Variants in PPARG observed in about 807,000 individuals in gnomAD.
PPARG encodes the protein peroxisome proliferator-activated receptor gamma.
Under a neutral mutation model 39.2 loss-of-function variants are expected in PPARG, and 17 were observed. The ratio of observed to expected loss-of-function variants is 0.43; its 90% CI spans 0.30 to 0.65. The LOEUF is 0.65. PPARG is among the 30% of genes least tolerant of loss of function. The pLI is 0.13. For synonymous variants in PPARG, 223 were observed against 215.7 expected, an observed-to-expected ratio of 1.03 and a Z score of -0.30; for missense variants, 406 against 585.9, an observed-to-expected ratio of 0.69 and a Z score of 3.17.
intron 2 of PPARG, among the ~76,000 whole-genome samples, chr3:12,370,841 A>G (rs916190833): frequency 2.0e-5 from 3 of 152,232 alleles, no homozygotes; most frequent in Non-Finnish European, 2.9e-5. Flanking sequence ...CAGATAAGAC[A>G]TAGACTTTCC....
At chr3:12,361,254 T>G (rs2048837482) in intron 2 of PPARG, among the ~76,000 whole-genome samples, 1 of 152,238 alleles carries the variant, frequency 6.6e-6, no homozygotes, top group African/African-American at 2.4e-5. Context: ...TTGAGTACTT[T>G]AGGTAAACGT....
intron 2 of PPARG, among the ~76,000 whole-genome samples, chr3:12,362,557 A>C (rs1454127574): frequency 2.8e-5 from 3 of 107,030 alleles, no homozygotes; most frequent in Non-Finnish European, 4.0e-5. Context: ...ATAAATAAAT[A>C]AATAAATAAA....
chr3:12,430,543 C>T (rs2051624458), intron 7 of PPARG, among the ~76,000 whole-genome samples: 1 of 152,202 alleles, frequency 6.6e-6, no homozygotes, highest in East Asian at 1.9e-4. Flanking sequence ...CTTAATTTCT[C>T]CCTCTGTAAA....
intron 4 of PPARG, 41 bp from the exon 5 acceptor site, chr3:12,392,573 C>T (rs1402902691): frequency 6.2e-7 from 1 of 1,611,136 alleles, no homozygotes; most frequent in African/African-American, 1.3e-5. Flanking sequence ...TTCCATGTGT[C>T]ATAAAGACTT....
intron 7 of PPARG, among the ~76,000 whole-genome samples, chr3:12,428,786 T>A (rs2125312958): frequency 6.6e-6 from 1 of 152,352 alleles, no homozygotes; most frequent in South Asian, 2.1e-4. Context: ...GCGTTCTTGT[T>A]TTTAAGTAAG....
intron 7 of PPARG, 84 bp downstream of exon 7, chr3:12,417,238 A>G (rs1423483788): frequency 1.5e-6 from 2 of 1,348,968 alleles, no homozygotes; most frequent in African/African-American, 2.9e-5. Flanking sequence ...CCTTAGTGTT[A>G]GTCTGCATTG....
intron 7 of PPARG, among the ~76,000 whole-genome samples, chr3:12,421,656 A>G (rs557974890): frequency 4.6e-5 from 7 of 152,316 alleles, no homozygotes; most frequent in African/African-American, 1.4e-4. Flanking sequence ...CCTCCAAGAT[A>G]CGGGGGAGGA....
intron 2 of PPARG, among the ~76,000 whole-genome samples, chr3:12,358,772 A>G (rs2048744915): frequency 6.6e-6 from 1 of 152,228 alleles, no homozygotes; most frequent in African/African-American, 2.4e-5. Context: ...TCTAGCCACA[A>G]TTACCCAAGA....
chr3:12,351,777 T>A, intron 2 of PPARG: 1 of 873,104 alleles, frequency 1.1e-6, no homozygotes, highest in Non-Finnish European at 1.9e-6. Flanking sequence ...GTTTTAATAC[T>A]ATCATGTGTA....
intron 2 of PPARG, among the ~76,000 whole-genome samples, chr3:12,358,647 A>G (rs2048741328): frequency 6.6e-6 from 1 of 152,170 alleles, no homozygotes; most frequent in African/African-American, 2.4e-5. Context: ...TGCTTAGTGG[A>G]TTAAAATATG....
intron 2 of PPARG, among the ~76,000 whole-genome samples, chr3:12,347,432 A>G (rs1464400163): frequency 6.6e-6 from 1 of 152,064 alleles, no homozygotes; most frequent in African/African-American, 2.4e-5. Flanking sequence ...TTGTGGTGAA[A>G]TTTACATCCA....
At chr3:12,321,154 A>G (rs187195687) in intron 2 of PPARG, among the ~76,000 whole-genome samples, 1 of 152,200 alleles carries the variant, frequency 6.6e-6, no homozygotes, top group East Asian at 1.9e-4. Flanking sequence ...CACCCCTTTA[A>G]AATGTGTGGC....
chr3:12,398,852 C>T (rs2050361806), intron 5 of PPARG, among the ~76,000 whole-genome samples: 1 of 152,132 alleles, frequency 6.6e-6, no homozygotes, highest in Admixed American at 6.5e-5. Flanking sequence ...TCCCAGTGAG[C>T]GCAAAGCTAG....
chr3:12,298,534 A>G (rs1236592508), intron 1 of PPARG, among the ~76,000 whole-genome samples: 1 of 151,964 alleles, frequency 6.6e-6, no homozygotes, highest in African/African-American at 2.4e-5. Flanking sequence ...TACAGATTAC[A>G]TTTTTCTTGT....
At chr3:12,407,494 T>TTGATTCTGA (rs2050714144) in intron 6 of PPARG, among the ~76,000 whole-genome samples, 1 of 152,070 alleles carries the variant, frequency 6.6e-6, no homozygotes, top group African/African-American at 2.4e-5. Flanking sequence ...GGGTTTGGCT[T>TTGATTCTGA]TGATTCTGAT....
At position 12,346,439 on chromosome 3, in the gene PPARG, T is replaced by C. The variant is rs1019674425; in HGVS notation, c.-8-33265T>C. ...AAAAAGACCTTAAGGATTATTCTGT[T>C]TTGTGGAAAGGGCTTTTTCTGATTC... On this transcript the variant is annotated intron_variant, in intron 2 of 7. Transcript: ENST00000651735. Among the ~76,000 whole-genome samples the C allele has an allele frequency of 8.5e-5, 13 of 152,274 alleles. No individual in the cohort carries two copies. The South Asian group carries it at 2.1e-3, about 24-fold the overall frequency.
intron 6 of PPARG, among the ~76,000 whole-genome samples, chr3:12,407,716 A>G (rs1175616896): frequency 6.6e-6 from 1 of 152,240 alleles, no homozygotes; most frequent in Admixed American, 6.5e-5. Flanking sequence ...TTTGATGACT[A>G]TCTCAAGATG....
intron 2 of PPARG, among the ~76,000 whole-genome samples, chr3:12,324,351 T>C (rs2047634041): frequency 1.3e-5 from 2 of 152,076 alleles, no homozygotes; most frequent in South Asian, 4.1e-4. Context: ...CCACCAAGTT[T>C]AGAAGAAAGG....
At chr3:12,403,009 A>G (rs570380868) in intron 5 of PPARG, among the ~76,000 whole-genome samples, 18 of 152,302 alleles carry the variant, frequency 1.2e-4, no homozygotes, top group African/African-American at 4.1e-4. Context: ...AATAGTTCCT[A>G]TGGCCAGGTG....
Sources: gnomAD v4.1 joint callset for allele counts (sites outside exome capture counted in the v4.1 genomes callset) on GRCh38, gnomAD v4.1.1 for gene constraint, MANE v1.5 for transcripts, NCBI Gene and HGNC (gene_info 2026-07-23, HGNC 2026-07-21) for gene names.